CRPPA: variants seen among roughly 807,000 people sequenced by gnomAD.
CRPPA encodes the protein CDP-L-ribitol pyrophosphorylase A.
CRPPA carries 43 observed loss-of-function variants against 52.0 expected under a neutral mutation model. The ratio of observed to expected loss-of-function variants is 0.83; its 90% CI spans 0.65 to 1.07. CRPPA has a LOEUF of 1.07. CRPPA is among the 50% of genes least tolerant of loss of function. CRPPA has a pLI of 0.00. For missense variants in CRPPA, 629 were observed against 551.7 expected, an observed-to-expected ratio of 1.14 and a Z score of -1.40; for synonymous variants, 250 against 203.5, an observed-to-expected ratio of 1.23 and a Z score of -1.94.
At position 16,107,981 on chromosome 7, in the gene CRPPA, A is replaced by G. The variant is rs145080174; in HGVS notation, c.1252-16182T>C. Among the ~76,000 whole-genome samples, 1,017 of 152,146 alleles carry G rather than the reference A, an allele frequency of 6.7e-3. 10 individuals are homozygous for G. Among genetic ancestry groups the G allele is most frequent in the Non-Finnish European group, 0.011 (776 of 67,894 alleles). On this transcript the variant is annotated intron_variant, in intron 9 of 9. Coordinates refer to ENST00000407010, the MANE Select transcript of CRPPA (RefSeq NM_001101426.4). Reference sequence around the variant, plus strand: ...TCTACATAAGCCTCATGGTAACCACAAAGAAAAAATATTCAGTGGAAATAC... The same window carrying G: ...TCTACATAAGCCTCATGGTAACCACGAAGAAAAAATATTCAGTGGAAATAC...
chr7:16,362,176 G>C (rs575285306), intron 3 of CRPPA, among the ~76,000 whole-genome samples: 2 of 152,314 alleles, frequency 1.3e-5, no homozygotes, highest in South Asian at 2.1e-4. Flanking sequence ...TTTTAAAAGA[G>C]TGCATGTCTC....
chr7:16,197,450 G>A (rs961019854), intron 9 of CRPPA, among the ~76,000 whole-genome samples: 4 of 151,886 alleles, frequency 2.6e-5, no homozygotes, highest in Non-Finnish European at 4.4e-5. Context: ...CGATCCTCTG[G>A]CCTCAGCCTC....
At chr7:16,357,938 G>A (rs1168121387) in intron 3 of CRPPA, among the ~76,000 whole-genome samples, 3 of 152,308 alleles carry the variant, frequency 2.0e-5, no homozygotes, top group African/African-American at 7.2e-5. Context: ...GCAAATGCCT[G>A]GCAACCTGGG....
intron 2 of CRPPA, among the ~76,000 whole-genome samples, chr7:16,397,344 T>A (rs369940729): frequency 1.6e-4 from 25 of 152,160 alleles, no homozygotes; most frequent in East Asian, 7.7e-4. Flanking sequence ...ATGACCAACA[T>A]GTGTTACAGG....
At chr7:16,353,125 CAGAG>C (rs1225544294) in intron 3 of CRPPA, among the ~76,000 whole-genome samples, 1 of 151,734 alleles carries the variant, frequency 6.6e-6, no homozygotes, top group East Asian at 2.0e-4. Context: ...GAAGGCCAAG[CAGAG>C]AGAATTGCTT....
chr7:16,398,729 A>G (rs893045874), intron 2 of CRPPA, among the ~76,000 whole-genome samples: 3 of 152,136 alleles, frequency 2.0e-5, no homozygotes, highest in Admixed American at 1.3e-4. Context: ...ACACGTGACC[A>G]ACACTTAACC....
At chr7:16,281,059 T>C (rs1784311816) in intron 5 of CRPPA, among the ~76,000 whole-genome samples, 1 of 152,208 alleles carries the variant, frequency 6.6e-6, no homozygotes, top group Non-Finnish European at 1.5e-5. Flanking sequence ...TCCTATGCCA[T>C]GTTTCAGTTA....
chr7:16,280,255 G>A (rs1028466034), intron 5 of CRPPA, among the ~76,000 whole-genome samples: 4 of 152,180 alleles, frequency 2.6e-5, no homozygotes, highest in South Asian at 2.1e-4. Context: ...CAAATCAAAG[G>A]GATCCCTTGC....
chr7:16,202,030 A>T (rs1583425481), intron 9 of CRPPA, among the ~76,000 whole-genome samples: 1 of 152,198 alleles, frequency 6.6e-6, no homozygotes, highest in South Asian at 2.1e-4. Flanking sequence ...TTACCAAGAC[A>T]TTATAATTTG....
chr7:16,392,831 C>T (rs751825795), intron 2 of CRPPA, among the ~76,000 whole-genome samples: 1 of 152,056 alleles, frequency 6.6e-6, no homozygotes, highest in Non-Finnish European at 1.5e-5. Flanking sequence ...CCCTACCCAA[C>T]AAACAGTGAA....
intron 1 of CRPPA, among the ~76,000 whole-genome samples, chr7:16,412,037 G>A (rs1198631643): frequency 1.3e-5 from 2 of 152,148 alleles, no homozygotes; most frequent in African/African-American, 2.4e-5. Context: ...TCTATTCAAT[G>A]AATTAACTCC....
At chr7:16,264,057 T>C (rs529339079) in intron 6 of CRPPA, among the ~76,000 whole-genome samples, 1 of 152,342 alleles carries the variant, frequency 6.6e-6, no homozygotes, top group South Asian at 2.1e-4. Context: ...CTTTTAGTCA[T>C]ACTGCTTTCC....
At position 16,416,701 on chromosome 7, in the gene CRPPA, G is replaced by A. The variant is rs139823993; in HGVS notation, c.257+4365C>T. ...AAATACAAAAAAAAAAATTATCTGG[G>A]CATGGTGGCACGTGACTGTAGTCCC... On this transcript the variant is annotated intron_variant, in intron 1 of 9. Coordinates refer to ENST00000407010, the MANE Select transcript of CRPPA (RefSeq NM_001101426.4). Among the ~76,000 whole-genome samples the A allele has an allele frequency of 1.5e-3, 230 of 152,060 alleles. 2 individuals are homozygous for A. The highest frequency in any genetic ancestry group is 5.4e-3 in the African/African-American group (225 of 41,490).
At chr7:16,387,155 A>G (rs1156264572) in intron 2 of CRPPA, among the ~76,000 whole-genome samples, 1 of 148,502 alleles carries the variant, frequency 6.7e-6, no homozygotes, top group Non-Finnish European at 1.5e-5. Flanking sequence ...AGATAGCAAA[A>G]TATAAACTAA....
intron 9 of CRPPA, among the ~76,000 whole-genome samples, chr7:16,192,890 T>C (rs565974840): frequency 1.3e-5 from 2 of 152,290 alleles, no homozygotes; most frequent in East Asian, 3.9e-4. Flanking sequence ...TGTGGGTCTA[T>C]TTCTAGACTA....
chr7:16,408,398 T>A (rs1416656335), intron 1 of CRPPA, among the ~76,000 whole-genome samples: 1 of 152,000 alleles, frequency 6.6e-6, no homozygotes, highest in Non-Finnish European at 1.5e-5. Flanking sequence ...CTGGTCCAAG[T>A]AAAGGCCATG....
chr7:16,378,680 C>T (rs942069428), intron 2 of CRPPA, among the ~76,000 whole-genome samples: 7 of 150,336 alleles, frequency 4.7e-5, no homozygotes, highest in African/African-American at 1.2e-4. Flanking sequence ...CCTGAGGAAT[C>T]GCCACACTGA....
At chr7:16,341,019 G>T (rs2128305912) in intron 3 of CRPPA, among the ~76,000 whole-genome samples, 1 of 152,268 alleles carries the variant, frequency 6.6e-6, no homozygotes. Context: ...TATACTGTGT[G>T]ATTCCAACTA....
chr7:16,194,058 C>T (rs891034108), intron 9 of CRPPA, among the ~76,000 whole-genome samples: 1 of 152,094 alleles, frequency 6.6e-6, no homozygotes, highest in African/African-American at 2.4e-5. Context: ...GAATTAAACA[C>T]ACTTACCTAA....
Sources: gnomAD v4.1 joint callset for allele counts (sites outside exome capture counted in the v4.1 genomes callset) on GRCh38, gnomAD v4.1.1 for gene constraint, MANE v1.5 for transcripts, NCBI Gene and HGNC (gene_info 2026-07-23, HGNC 2026-07-21) for gene names.